Variants in ANKRD55 observed in about 807,000 individuals in gnomAD.
ANKRD55 encodes the protein ankyrin repeat domain 55, also known as ankyrin repeat domain-containing protein 55.
A neutral mutation model predicts 60.6 loss-of-function variants in ANKRD55; 41 were observed. That is an observed-to-expected ratio of 0.68 (90% confidence interval 0.53 to 0.88). The LOEUF is 0.88. Ranked by LOEUF, ANKRD55 falls within the 40% of genes least tolerant of loss-of-function variation. ANKRD55 has a pLI of 0.00. For synonymous variants in ANKRD55, 264 were observed against 290.3 expected (o/e 0.91, Z 0.92); for missense variants, 732 against 767.6 (o/e 0.95, Z 0.55).
intron 7 of ANKRD55, among the ~76,000 whole-genome samples, chr5:56,141,513 T>A (rs1024412269): frequency 6.6e-6 from 1 of 152,206 alleles, no homozygotes; most frequent in Non-Finnish European, 1.5e-5. Flanking sequence ...GATTATTCCA[T>A]TGTGCAGACA....
At chr5:56,167,236 G>A (rs1758503973) in intron 5 of ANKRD55, among the ~76,000 whole-genome samples, 1 of 152,212 alleles carries the variant, frequency 6.6e-6, no homozygotes, top group Admixed American at 6.5e-5. Context: ...AGATGGTAGA[G>A]CGTACTACAC....
At chr5:56,194,067 C>T (rs1483438280) in intron 2 of ANKRD55, among the ~76,000 whole-genome samples, 2 of 152,094 alleles carry the variant, frequency 1.3e-5, no homozygotes, top group African/African-American at 4.8e-5. Context: ...CCTGTAATCC[C>T]AGCACTTTGG....
At chr5:56,132,617 G>A (rs2111734836) in intron 7 of ANKRD55, among the ~76,000 whole-genome samples, 1 of 150,782 alleles carries the variant, frequency 6.6e-6, no homozygotes, top group East Asian at 1.9e-4. Context: ...AAGAATAAGG[G>A]CAGCAAATAG....
At chr5:56,121,074 C>G (rs1351417217) in intron 8 of ANKRD55, among the ~76,000 whole-genome samples, 1 of 152,010 alleles carries the variant, frequency 6.6e-6, no homozygotes, top group African/African-American at 2.4e-5. Flanking sequence ...GGCGCCCGTG[C>G]CCAAGCACAG....
intron 10 of ANKRD55, among the ~76,000 whole-genome samples, chr5:56,110,361 T>G (rs1330186625): frequency 2.6e-5 from 4 of 152,314 alleles, no homozygotes; most frequent in African/African-American, 9.6e-5. Context: ...ATTGTGCCAC[T>G]GCACTCTAGC....
At chr5:56,231,509 A>G (rs534348230) in intron 2 of ANKRD55, among the ~76,000 whole-genome samples, 6 of 152,262 alleles carry the variant, frequency 3.9e-5, no homozygotes, top group Non-Finnish European at 8.8e-5. Flanking sequence ...TTTGGTTCTT[A>G]GCAGATTTTC....
intron 3 of ANKRD55, among the ~76,000 whole-genome samples, chr5:56,182,531 G>T (rs759801605): frequency 1.3e-5 from 2 of 151,774 alleles, no homozygotes; most frequent in African/African-American, 4.8e-5. Flanking sequence ...TTTTTGTCAC[G>T]GTTATTTTAA....
chr5:56,163,966 C>T (rs1758390201), intron 5 of ANKRD55, among the ~76,000 whole-genome samples: 2 of 152,040 alleles, frequency 1.3e-5, no homozygotes, highest in South Asian at 2.1e-4. Flanking sequence ...ATGGTGGGCA[C>T]CTGTAATTCC....
intron 9 of ANKRD55, among the ~76,000 whole-genome samples, chr5:56,112,461 G>A (rs554208083): frequency 1.2e-4 from 15 of 126,434 alleles, no homozygotes; most frequent in African/African-American, 4.2e-4. Flanking sequence ...GATGTCAAGA[G>A]TTTGAGACCA....
chr5:56,183,515 C>T lies in ANKRD55; in HGVS notation c.178G>A (p.Glu60Lys). The T allele has an allele frequency of 6.2e-7, 1 of 1,614,094 alleles. No homozygotes were observed. The highest frequency in any genetic ancestry group is 8.5e-7 in the Non-Finnish European group (1 of 1,179,990). ...DPSILECCDS[E>K]GCTPLMHAVS... Reference sequence around the variant, plus strand: ...TCAAAATGCATACATATCTCACCTTCACTGTCACAGCATTCTAGGATAGAA... The same window carrying T: ...TCAAAATGCATACATATCTCACCTTTACTGTCACAGCATTCTAGGATAGAA... Residue 60 changes from glutamate (E) to lysine (K), a missense_variant, in exon 3 of 12, where the codon GAA becomes AAA. Around this residue, in one of 3 missense-constraint regions of ANKRD55, gnomAD observed 131 missense variants for 142.7 expected, o/e 0.92. Transcript: ENST00000341048.
chr5:56,186,887 C>T (rs1758986570), intron 2 of ANKRD55, among the ~76,000 whole-genome samples: 1 of 152,200 alleles, frequency 6.6e-6, no homozygotes, highest in Non-Finnish European at 1.5e-5. Context: ...CTGGTGGTAT[C>T]ACTTCAGGAG....
intron 10 of ANKRD55, among the ~76,000 whole-genome samples, chr5:56,109,893 CTG>C (rs1002420334): frequency 6.6e-6 from 1 of 151,954 alleles, no homozygotes; most frequent in Admixed American, 6.6e-5. Context: ...TGGCATATGC[CTG>C]TAGTCTCAGC....
intron 10 of ANKRD55, among the ~76,000 whole-genome samples, chr5:56,104,723 C>T (rs1321336116): frequency 2.0e-5 from 3 of 152,162 alleles, no homozygotes; most frequent in Non-Finnish European, 4.4e-5. Flanking sequence ...ATTGAGCACT[C>T]ATCATATTCC....
intron 11 of ANKRD55, among the ~76,000 whole-genome samples, chr5:56,101,347 A>C (rs1332286843): frequency 2.0e-5 from 3 of 152,232 alleles, no homozygotes; most frequent in Non-Finnish European, 4.4e-5. Flanking sequence ...TATCTGAAAT[A>C]GGACAGCTCC....
At chr5:56,107,696 G>A (rs942184945) in intron 10 of ANKRD55, among the ~76,000 whole-genome samples, 5 of 152,092 alleles carry the variant, frequency 3.3e-5, no homozygotes, top group African/African-American at 9.7e-5. Context: ...ATGGGGACAC[G>A]CATTTTTCCC....
chr5:56,127,342 T>C (rs1258999387), intron 7 of ANKRD55: 1 of 985,142 alleles, frequency 1.0e-6, no homozygotes, highest in African/African-American at 1.7e-5. Flanking sequence ...AGGAGCTAAA[T>C]TGTCTTCCAT....
intron 4 of ANKRD55, among the ~76,000 whole-genome samples, chr5:56,171,528 G>A (rs1758611093): frequency 6.6e-6 from 1 of 152,110 alleles, no homozygotes; most frequent in African/African-American, 2.4e-5. Context: ...CTTCAGGCTA[G>A]CCCTCCCTCC....
rs1379696551 is a variant in ANKRD55, at chr5:56,105,268, G to C, written c.1631-2682C>G. Among the ~76,000 whole-genome samples the C allele has an allele frequency of 6.6e-5, 10 of 152,056 alleles. No homozygotes were observed. In the South Asian group the frequency reaches 1.0e-3, roughly 16 times the overall value. On this transcript the variant is annotated intron_variant, in intron 10 of 11. Coordinates refer to ENST00000341048, the MANE Select transcript of ANKRD55 (RefSeq NM_024669.3). ...CACCAGGCTAATTTTTGTATTTTTA[G>C]TAGAGATGGGGTTTCACCATGTTGG...
chr5:56,178,027 G>A (rs1758774418), intron 3 of ANKRD55, among the ~76,000 whole-genome samples: 1 of 151,984 alleles, frequency 6.6e-6, no homozygotes, highest in South Asian at 2.1e-4. Flanking sequence ...ATAATCACGT[G>A]TTTAAAATTT....
Sources: gnomAD v4.1 joint callset for allele counts (sites outside exome capture counted in the v4.1 genomes callset) on GRCh38, gnomAD v4.1.1 for gene constraint, gnomAD v4.1.1 regional missense constraint, MANE v1.5 for transcripts, NCBI Gene and HGNC (gene_info 2026-07-23, HGNC 2026-07-21) for gene names.